Variants in IRF9 observed in about 807,000 individuals in gnomAD.
The protein encoded by IRF9 is IFN-alpha-responsive transcription factor subunit.
A neutral mutation model predicts 44.1 loss-of-function variants in IRF9; 13 were observed. That is an observed-to-expected ratio of 0.29 (90% CI 0.19 to 0.47). The LOEUF (loss-of-function observed/expected upper bound fraction) is 0.47, where lower values mean the gene tolerates loss of function less well. Among genes scored for constraint, IRF9 ranks in the 20% least tolerant of loss-of-function variants. The pLI is 1.00. For missense variants in IRF9, 373 were observed against 496.1 expected, an observed-to-expected ratio of 0.75 and a Z score of 2.36; for synonymous variants, 189 against 188.5, an observed-to-expected ratio of 1.00 and a Z score of -0.02.
chr14:24,162,793 G>C (rs1188317399), intron 2 of IRF9, 173 bp from the exon 3 acceptor site: 2 of 572,338 alleles, frequency 3.5e-6, no homozygotes, highest in East Asian at 5.9e-5. Flanking sequence ...GTGAGACTCT[G>C]TCTCAAAAAA....
intron 3 of IRF9, 86 bp downstream of exon 3, chr14:24,163,235 T>C: frequency 6.4e-7 from 1 of 1,561,606 alleles, no homozygotes; most frequent in Non-Finnish European, 8.7e-7. Context: ...GGCTTATAGC[T>C]CTGCCCTGTC....
At position 24,162,374 on chromosome 14, in the gene IRF9, C is replaced by T. The variant is rs1566619608; in HGVS notation, c.180+50C>T. On this transcript the variant is annotated intron_variant, in intron 2 of 8. Transcript: ENST00000396864. ...TCCTCTGTGTGTGGGATGGTGTATA[C>T]ACACTGGTACACTCATCCTCGAGCA... The T allele has an allele frequency of 8.5e-6, 13 of 1,531,080 alleles. No individual in the cohort carries two copies. The South Asian group carries it at 1.6e-4, about 18-fold the overall frequency. 94.8% of individuals were successfully genotyped at this position (1,531,080 alleles called of 1,614,324 possible). A position where few individuals can be genotyped will look rare whatever the true frequency, so the allele number is the denominator to read the frequency against.
chr14:24,164,294 C>A lies in IRF9; in HGVS notation c.649+160C>A. ...TCTAGGTGGCGAGAATTCCATATGC[C>A]TGGCCAGACTCCAAAAAGCTTGCTT... On this transcript the variant is annotated intron_variant, in intron 6 of 8. Coordinates refer to ENST00000396864, the MANE Select transcript of IRF9 (RefSeq NM_006084.5). This position sits in a 1 kb window ranked among gnomAD's most constrained non-coding sequence, Gnocchi z 5.2. The A allele has an allele frequency of 1.5e-6, 1 of 674,908 alleles. No homozygotes were observed. The highest frequency in any genetic ancestry group is 1.9e-5 in the South Asian group (1 of 53,642). 41.8% of individuals were successfully genotyped at this position (674,908 alleles called of 1,614,324 possible).
At chr14:24,166,045 G>A (rs2038517698) in intron 8 of IRF9, 77 bp from the exon 9 acceptor site, 5 of 1,575,770 alleles carry the variant, frequency 3.2e-6, no homozygotes, top group African/African-American at 1.3e-5. Flanking sequence ...GTCTCCCAGT[G>A]GGGAAGGAGC....
At chr14:24,165,704 C>T (rs2038513576) in intron 7 of IRF9, 143 bp from the exon 8 acceptor site, 4 of 611,918 alleles carry the variant, frequency 6.5e-6, no homozygotes, top group Middle Eastern at 4.3e-4. Flanking sequence ...GCACTTAGTT[C>T]CAAGTACTTC....
chr14:24,166,410 C>T lies in IRF9; in HGVS notation c.*214C>T, dbSNP rs1399524584. The T allele has an allele frequency of 8.4e-6, 5 of 594,376 alleles. No individual in the cohort carries two copies. In the African/African-American group the frequency reaches 9.3e-5, roughly 11 times the overall value. The allele number at this position is 594,376 out of a possible 1,614,324, so 36.8% of individuals were successfully genotyped here. A position where few individuals can be genotyped will look rare whatever the true frequency, so the allele number is the denominator to read the frequency against. On this transcript the variant is annotated 3_prime_UTR_variant, in exon 9 of 9. Coordinates refer to ENST00000396864, the MANE Select transcript of IRF9 (RefSeq NM_006084.5). ...TTTTTTTTAATTTTGAGATATACGC[C>T]CTCTTTCATCTGTAAGGGACTAGGA...
chr14:24,165,524 G>A lies in IRF9; in HGVS notation c.992-323G>A, dbSNP rs2038512089. On this transcript the variant is annotated intron_variant, in intron 7 of 8. Coordinates refer to ENST00000396864, the MANE Select transcript of IRF9 (RefSeq NM_006084.5). ...ATGGGTGCCCTAGCACTGGGAGGAT[G>A]TGAGCAAGTAGCAAAGGTCTGGGCA... 4 of 524,990 alleles carry A rather than the reference G, an allele frequency of 7.6e-6. No homozygotes were observed. The Admixed American group carries it at 9.8e-5, about 13-fold the overall frequency. The allele number at this position is 524,990 out of a possible 1,614,324, so 32.5% of individuals were successfully genotyped here.
At chr14:24,165,359 A>G (rs1442737373) in intron 7 of IRF9, 1 of 624,264 alleles carries the variant, frequency 1.6e-6, no homozygotes, top group Non-Finnish European at 2.9e-6. Context: ...CCCTGGCTGC[A>G]CCGTCTTTAC....
rs1043489855 is a variant in IRF9, at chr14:24,164,255, C to T, written c.649+121C>T. The T allele has an allele frequency of 4.6e-6, 4 of 876,400 alleles. No individual in the cohort carries two copies. Among genetic ancestry groups the T allele is most frequent in the Admixed American group, 2.3e-5 (1 of 43,086 alleles). The allele number at this position is 876,400 out of a possible 1,614,324, so 54.3% of individuals were successfully genotyped here. The stretch of plus-strand genomic sequence containing the variant: ...CAAACTGTACCCACATTACCATAGC[C>T]CTAGGCAGTGGTTTCTAGGTGGCGA... On this transcript the variant is annotated intron_variant, in intron 6 of 8. Coordinates refer to ENST00000396864, the MANE Select transcript of IRF9 (RefSeq NM_006084.5). The surrounding 1 kb of genome is among the most constrained non-coding windows in gnomAD (Gnocchi z 5.2).
chr14:24,163,733 G>A, intron 4 of IRF9, 145 bp from the exon 5 acceptor site: 4 of 933,644 alleles, frequency 4.3e-6, no homozygotes, highest in Non-Finnish European at 6.4e-6. Flanking sequence ...AGCTACTCAG[G>A]AGGCCGAGGC....
At chr14:24,165,987 A>T (rs1177258987) in intron 8 of IRF9, 25 bp downstream of exon 8, 1 of 1,601,392 alleles carries the variant, frequency 6.2e-7, no homozygotes, top group African/African-American at 1.3e-5. Flanking sequence ...GGGGTAGAGT[A>T]CCCATCTAAT....
At chr14:24,162,687 C>G in intron 2 of IRF9, 1 of 449,226 alleles carries the variant, frequency 2.2e-6, no homozygotes, top group Non-Finnish European at 4.0e-6. Context: ...GTAGTCCCAG[C>G]TACTCGGGAG....
In IRF9 at chr14:24,164,949, T is replaced by G; in HGVS notation, c.985T>G (p.Cys329Gly). ...GGAGCTCTTCAGAACCGCCTACTTC[T>G]GCAGAGGTGAGGCTGTTCTCTCTGG... Reference protein sequence around the residue: ...CVELFRTAYFCRDLVRYFQGL... With the variant: ...CVELFRTAYFGRDLVRYFQGL... Residue 329 changes from cysteine to glycine, a missense_variant, in exon 7 of 9, where the codon TGC becomes GGC. By Grantham distance (159) the Cys-to-Gly change is radical (BLOSUM62 -3). Transcript: ENST00000396864. This position sits in a 1 kb window ranked among gnomAD's most constrained non-coding sequence, Gnocchi z 5.2. 6.2e-7 allele frequency: 1 copy of G among 1,611,168 alleles called. No individual in the cohort carries two copies. Among genetic ancestry groups the G allele is most frequent in the Non-Finnish European group, 8.5e-7 (1 of 1,178,430 alleles).
rs369333950 is a variant in IRF9 at position 24,166,271 on chromosome 14, G to A, written c.*75G>A. 12 of 1,243,474 alleles carry A rather than the reference G, an allele frequency of 9.7e-6. No homozygotes were observed. Among genetic ancestry groups the A allele is most frequent in the African/African-American group, 1.5e-5 (1 of 67,728 alleles). 77.0% of individuals were successfully genotyped at this position (1,243,474 alleles called of 1,614,324 possible). ...TTTGAAGTAGACTCATTCTTCACAC[G>A]ATTGACCTGTCCTCTTTGTGATAAT... On this transcript the variant is annotated 3_prime_UTR_variant, in exon 9 of 9. Coordinates refer to ENST00000396864, the MANE Select transcript of IRF9 (RefSeq NM_006084.5).
Position 24,166,122 on chromosome 14 carries a change from A to G in IRF9, c.1108A>G (p.Met370Val). The change falls in exon 9 of 9, where the codon ATG becomes GTG. Residue 370 changes from methionine (M) to valine (V), a missense_variant and splice_region_variant. This residue lies in a region of IRF9 where 146 missense variants were observed against 240.8 expected (regional missense o/e 0.61). Transcript: ENST00000396864. ...HTPQNLITVK[M>V]EQAFARYLLE... The stretch of plus-strand genomic sequence containing the variant: ...CTCTTCTCCATCTCTTCCAATACAG[A>G]TGGAGCAGGCCTTTGCCCGATACTT... The G allele has an allele frequency of 6.2e-7, 1 of 1,613,846 alleles. No individual in the cohort carries two copies.
rs543464319 is a variant in IRF9, at chr14:24,163,706, C to T, written c.496-172C>T. ...TACAAAAATTAGCTGTGCGTTGTGGCATCTGCCTGTAATCCCAGCTACTCA... is the reference window on the plus strand; with the variant it reads ...TACAAAAATTAGCTGTGCGTTGTGGTATCTGCCTGTAATCCCAGCTACTCA... On this transcript the variant is annotated intron_variant, in intron 4 of 8. Coordinates refer to ENST00000396864, the MANE Select transcript of IRF9 (RefSeq NM_006084.5). 99 of 847,696 alleles carry T rather than the reference C, an allele frequency of 1.2e-4. 2 individuals are homozygous for T. The South Asian group carries it at 1.8e-3, about 15-fold the overall frequency. The allele number at this position is 847,696 out of a possible 1,614,324, so 52.5% of individuals were successfully genotyped here.
chr14:24,162,991 A>G lies in IRF9; in HGVS notation c.206A>G (p.Tyr69Cys). Residue 69 changes from tyrosine (Y) to cysteine (C), a missense_variant, in exon 3 of 9, where the codon TAT (tyrosine) becomes TGT (cysteine). Physicochemically the swap from Tyr to Cys is radical, Grantham distance 194. Transcript: ENST00000396864. ...FKAWAIFKGK[Y>C]KEGDTGGPAV... ...GCCTGGGCAATATTTAAGGGAAAGT[A>G]TAAGGAGGGGGACACAGGAGGTCCA... 6.2e-7 allele frequency: 1 copy of G among 1,613,950 alleles called. No homozygotes were observed. The highest frequency in any genetic ancestry group is 1.1e-5 in the South Asian group (1 of 91,060).
At chr14:24,162,876 C>T in intron 2 of IRF9, 90 bp from the exon 3 acceptor site, 1 of 1,000,602 alleles carries the variant, frequency 1.0e-6, no homozygotes, top group Non-Finnish European at 1.5e-6. Context: ...CTTCTGAGCT[C>T]AGAGCTGCAC....
intron 4 of IRF9, 118 bp downstream of exon 4, chr14:24,163,626 C>T (rs2038486973): frequency 1.6e-6 from 2 of 1,243,736 alleles, no homozygotes; most frequent in South Asian, 2.9e-5. Flanking sequence ...CACGTGAGGT[C>T]AGAAGTTCGA....
Sources: gnomAD v4.1 joint callset for allele counts on GRCh38, gnomAD v4.1.1 for gene constraint, gnomAD v4.1.1 regional missense constraint, Gnocchi (gnomAD v3.1) non-coding constraint, MANE v1.5 for transcripts, NCBI Gene and HGNC (gene_info 2026-07-23, HGNC 2026-07-21) for gene names.